The following CENPW variants were observed in gnomAD, a reference collection of about 807,000 sequenced individuals.
CENPW encodes cancer-up-regulated gene 2 protein.
In CENPW, 3 loss-of-function variants were observed where a neutral mutation model predicts 11.1. That is an observed-to-expected ratio of 0.27 (90% CI 0.12 to 0.70). CENPW has a LOEUF of 0.70. Ranked by LOEUF, CENPW falls within the 30% of genes least tolerant of loss-of-function variation. CENPW has a pLI of 0.77. For missense variants in CENPW, 100 were observed against 105.6 expected, an observed-to-expected ratio of 0.95 and a Z score of 0.23; for synonymous variants, 38 against 42.0, an observed-to-expected ratio of 0.91 and a Z score of 0.37.
the CENPW span, among the ~76,000 whole-genome samples, chr6:126,430,231 T>C: frequency 1.5e-4 from 23 of 152,292 alleles, no homozygotes; most frequent in African/African-American, 4.3e-4. Flanking sequence ...ATCAGGTGTG[T>C]AGTACCTAGT....
intron 2 of CENPW, among the ~76,000 whole-genome samples, chr6:126,347,120 A>G (rs1780426579): frequency 6.6e-6 from 1 of 152,144 alleles, no homozygotes; most frequent in African/African-American, 2.4e-5. Flanking sequence ...CTGTTGTCAA[A>G]TAAGTGTAGA....
the CENPW span, among the ~76,000 whole-genome samples, chr6:126,405,511 TA>T: frequency 2.0e-5 from 3 of 152,190 alleles, 1 homozygote; most frequent in Admixed American, 2.0e-4. Flanking sequence ...CATACAAATT[TA>T]AGGATTTTTT....
the CENPW span, among the ~76,000 whole-genome samples, chr6:126,407,242 C>T: frequency 1.7e-4 from 26 of 152,148 alleles, no homozygotes; most frequent in Admixed American, 1.0e-3. Context: ...GCTCCATCCA[C>T]GCCCCTGCAA....
the CENPW span, among the ~76,000 whole-genome samples, chr6:126,390,335 TTG>T: frequency 6.6e-6 from 1 of 151,904 alleles, no homozygotes; most frequent in Non-Finnish European, 1.5e-5. Context: ...TTTTGAATTT[TTG>T]TGGGTACATA....
the CENPW span, among the ~76,000 whole-genome samples, chr6:126,466,957 T>A: frequency 6.6e-6 from 1 of 152,084 alleles, no homozygotes; most frequent in Admixed American, 6.6e-5. Flanking sequence ...GAAAGATCTC[T>A]ACAGTGAGAA....
At chr6:126,415,879 G>A in the CENPW span, among the ~76,000 whole-genome samples, 1 of 152,198 alleles carries the variant, frequency 6.6e-6, no homozygotes, top group African/African-American at 2.4e-5. Flanking sequence ...TTTATTGGCA[G>A]CATGAAAATG....
the CENPW span, among the ~76,000 whole-genome samples, chr6:126,408,029 T>C: frequency 6.6e-6 from 1 of 152,162 alleles, no homozygotes; most frequent in Non-Finnish European, 1.5e-5. Context: ...GAATGGTATT[T>C]GCCTAGATTT....
the CENPW span, among the ~76,000 whole-genome samples, chr6:126,440,030 T>C: frequency 6.6e-6 from 1 of 151,704 alleles, no homozygotes; most frequent in Non-Finnish European, 1.5e-5. Context: ...TCATTTTTGG[T>C]AGTCAAACTT....
the CENPW span, among the ~76,000 whole-genome samples, chr6:126,478,727 C>T: frequency 2.6e-5 from 4 of 151,976 alleles, no homozygotes; most frequent in African/African-American, 9.7e-5. Flanking sequence ...AGGTGATAGT[C>T]CCAAATATCC....
At chr6:126,471,447 C>A in the CENPW span, among the ~76,000 whole-genome samples, 3 of 152,072 alleles carry the variant, frequency 2.0e-5, no homozygotes, top group Non-Finnish European at 2.9e-5. Flanking sequence ...AACTTTATGG[C>A]AGTGTGAAAA....
At chr6:126,362,245 T>C in the CENPW span, among the ~76,000 whole-genome samples, 1 of 152,170 alleles carries the variant, frequency 6.6e-6, no homozygotes, top group Non-Finnish European at 1.5e-5. Context: ...CTGCCCTTTG[T>C]TGGAGCCACC....
the CENPW span, among the ~76,000 whole-genome samples, chr6:126,369,438 A>G: frequency 1.2e-3 from 178 of 152,288 alleles, 1 homozygote; most frequent in Non-Finnish European, 1.8e-3. Flanking sequence ...CCTTGCCAAC[A>G]TACATTTTTT....
chr6:126,432,807 C>G, the CENPW span, among the ~76,000 whole-genome samples: 1 of 152,176 alleles, frequency 6.6e-6, no homozygotes, highest in African/African-American at 2.4e-5. Flanking sequence ...TTGGGACCTT[C>G]CACACTATGA....
At chr6:126,473,455 G>T in the CENPW span, among the ~76,000 whole-genome samples, 283 of 152,048 alleles carry the variant, frequency 1.9e-3, 1 homozygote, top group African/African-American at 6.1e-3. Context: ...TTATAGGCCG[G>T]GCACAGTGAC....
chr6:126,358,253 G>A, the CENPW span, among the ~76,000 whole-genome samples: 38 of 152,088 alleles, frequency 2.5e-4, no homozygotes, highest in Non-Finnish European at 1.6e-4. Context: ...TTAAATAGGA[G>A]TGGTTAGATT....
the CENPW span, among the ~76,000 whole-genome samples, chr6:126,404,289 G>T: frequency 1.3e-5 from 2 of 152,148 alleles, no homozygotes; most frequent in African/African-American, 4.8e-5. Flanking sequence ...AGTAATTTTG[G>T]CTGTCATAGG....
At chr6:126,477,397 T>A in the CENPW span, among the ~76,000 whole-genome samples, 4 of 151,980 alleles carry the variant, frequency 2.6e-5, no homozygotes, top group Admixed American at 1.3e-4. Context: ...TTCTAACAGG[T>A]TTTTTTAATG....
At chr6:126,417,492 C>A in the CENPW span, among the ~76,000 whole-genome samples, 1 of 151,738 alleles carries the variant, frequency 6.6e-6, no homozygotes, top group African/African-American at 2.4e-5. Flanking sequence ...TGTCCCCACC[C>A]AAATCTCATC....
chr6:126,350,466 A>G (rs72977897), downstream of CENPW, among the ~76,000 whole-genome samples: 4 of 152,254 alleles, frequency 2.6e-5, no homozygotes, highest in Non-Finnish European at 5.9e-5. Flanking sequence ...CATTAATCTC[A>G]TTTATGACGA....
Sources: gnomAD v4.1 joint callset for allele counts (sites outside exome capture counted in the v4.1 genomes callset) on GRCh38, gnomAD v4.1.1 for gene constraint, MANE v1.5 for transcripts, NCBI Gene and HGNC (gene_info 2026-07-23, HGNC 2026-07-21) for gene names.